RPRD2: variants seen among roughly 807,000 people sequenced by gnomAD.
RPRD2 encodes the protein regulation of nuclear pre-mRNA domain-containing protein 2.
In RPRD2, 12 loss-of-function variants were observed where a neutral mutation model predicts 104.4. The observed-to-expected ratio is 0.11, with a 90% CI of 0.07 to 0.19. The LOEUF is 0.19. Among genes scored for constraint, RPRD2 ranks in the 10% least tolerant of loss-of-function variants. The pLI, the probability that RPRD2 is intolerant of heterozygous loss-of-function variation, is 1.00. For missense variants in RPRD2, 1,543 were observed against 1,790.1 expected (o/e 0.86, Z 2.49); for synonymous variants, 714 against 684.9 (o/e 1.04, Z -0.66).
intron 1 of RPRD2, among the ~76,000 whole-genome samples, chr1:150,404,179 G>A (rs950909163): frequency 4.6e-5 from 7 of 152,142 alleles, no homozygotes; most frequent in East Asian, 3.8e-4. Context: ...TTATTAACGC[G>A]TGTTTTGTGG....
At chr1:150,470,233 C>T (rs777519391) in intron 10 of RPRD2, among the ~76,000 whole-genome samples, 3 of 152,060 alleles carry the variant, frequency 2.0e-5, no homozygotes, top group African/African-American at 7.2e-5. Flanking sequence ...AACTTTGCCT[C>T]CTTTCTTTTC....
chr1:150,472,770 C>G lies in RPRD2; in HGVS notation c.3822C>G (p.Pro1274=). The change falls in exon 11 of 11, where the codon CCC becomes CCG. Residue 1274 remains proline (P), a synonymous_variant. Transcript: ENST00000369068. ...GIPFPTPPPP[P]PPGEHSSSGG... ...CTTTCCCTACCCCACCTCCTCCTCC[C>G]CCTCCTGGGGAACATAGCAGCAGTG... 5 of 1,610,962 alleles carry G rather than the reference C, an allele frequency of 3.1e-6. No individual in the cohort carries two copies. The highest frequency in any genetic ancestry group is 4.2e-6 in the Non-Finnish European group (5 of 1,177,184).
intron 1 of RPRD2, among the ~76,000 whole-genome samples, chr1:150,384,669 GTGTGTGTGTGTGTT>G (rs1434880965): frequency 1.4e-4 from 19 of 136,620 alleles, no homozygotes; most frequent in Non-Finnish European, 2.2e-4. Flanking sequence ...GTGTGTGTGT[GTGTGTGTGTGTGTT>G]TTTAGTAGAG....
At chr1:150,394,095 G>C (rs1419465950) in intron 1 of RPRD2, among the ~76,000 whole-genome samples, 1 of 152,084 alleles carries the variant, frequency 6.6e-6, no homozygotes, top group Non-Finnish European at 1.5e-5. Context: ...AAGTTGCCCA[G>C]GCTGGAGTGC....
At chr1:150,427,955 A>G (rs1193682720) in intron 2 of RPRD2, among the ~76,000 whole-genome samples, 1 of 152,222 alleles carries the variant, frequency 6.6e-6, no homozygotes, top group Non-Finnish European at 1.5e-5. Context: ...GAAAATATAA[A>G]TATTTTTATG....
intron 2 of RPRD2, among the ~76,000 whole-genome samples, chr1:150,418,862 A>G (rs1376585675): frequency 1.3e-5 from 2 of 152,088 alleles, no homozygotes; most frequent in Non-Finnish European, 2.9e-5. Context: ...ATACAAAAAA[A>G]TTAGCCAGGC....
At chr1:150,406,269 T>C (rs782310600) in intron 1 of RPRD2, among the ~76,000 whole-genome samples, 6 of 152,202 alleles carry the variant, frequency 3.9e-5, no homozygotes, top group Non-Finnish European at 8.8e-5. Context: ...TACTGTCTGG[T>C]TTCAGGAATC....
Position 150,471,784 on chromosome 1 carries a change from A to G in RPRD2, c.2836A>G (p.Ser946Gly). The G allele has an allele frequency of 6.2e-7, 1 of 1,613,866 alleles. No individual in the cohort carries two copies. The highest frequency in any genetic ancestry group is 8.5e-7 in the Non-Finnish European group (1 of 1,179,864). Residue 946 changes from serine to glycine, a missense_variant, in exon 11 of 11, where the codon AGC (serine) becomes GGC (glycine). Physicochemically the swap from Ser to Gly is moderately conservative, Grantham distance 56. This residue lies in a region of RPRD2 where 880 missense variants were observed against 885.6 expected (regional missense o/e 0.99). Coordinates refer to ENST00000369068, the MANE Select transcript of RPRD2 (RefSeq NM_015203.5). The surrounding 1 kb of genome is among the most constrained non-coding windows in gnomAD (Gnocchi z 5.3). ...TTTCACCCCTGACTCCAACCACAAT[A>G]GCTTGTCTCAATCTACCACTGGGCA... Reference protein sequence around the residue: ...SFFTPDSNHNSLSQSTTGHLS... With the variant: ...SFFTPDSNHNGLSQSTTGHLS...
At chr1:150,440,343 C>G (rs35935423) in intron 2 of RPRD2, among the ~76,000 whole-genome samples, 18,187 of 152,170 alleles carry the variant, frequency 0.12, 1,535 homozygotes, top group African/African-American at 0.23. Flanking sequence ...GCTGGGATTA[C>G]AGGCGTGAGC....
chr1:150,450,523 G>A (rs1386859372), intron 7 of RPRD2, among the ~76,000 whole-genome samples: 6 of 146,616 alleles, frequency 4.1e-5, no homozygotes, highest in African/African-American at 1.0e-4. Context: ...GGAGAATGAC[G>A]TGAACCCAGG....
At chr1:150,400,181 G>A (rs1440298803) in intron 1 of RPRD2, among the ~76,000 whole-genome samples, 2 of 151,968 alleles carry the variant, frequency 1.3e-5, no homozygotes, top group South Asian at 2.1e-4. Context: ...TAATTTCCCC[G>A]TTTGTTGCTG....
At chr1:150,446,103 G>A (rs1666756751) in intron 6 of RPRD2, 123 bp from the exon 7 acceptor site, 8 of 582,004 alleles carry the variant, frequency 1.4e-5, no homozygotes, top group African/African-American at 1.3e-4. Flanking sequence ...AAGAGTATTA[G>A]AGTACTGCAC....
chr1:150,393,344 G>T (rs187686636), intron 1 of RPRD2, among the ~76,000 whole-genome samples: 1 of 150,502 alleles, frequency 6.6e-6, no homozygotes. Context: ...TACAGTCCCA[G>T]CTATTTAGGA....
In RPRD2 at chr1:150,473,244, A is replaced by C; in HGVS notation, c.4296A>C (p.Pro1432=). 6.2e-7 allele frequency: 1 copy of C among 1,613,822 alleles called. No homozygotes were observed. Among genetic ancestry groups the C allele is most frequent in the Non-Finnish European group, 8.5e-7 (1 of 1,179,844 alleles). The change falls in exon 11 of 11, where the codon CCA becomes CCC. Residue 1432 remains proline (P), a synonymous_variant. Coordinates refer to ENST00000369068, the MANE Select transcript of RPRD2 (RefSeq NM_015203.5). ...RPREPFLSRD[P]FHSLKRPRPP... ...GGGAACCTTTTCTCAGCAGAGACCC[A>C]TTTCACAGTTTAAAGAGACCCAGGC...
At chr1:150,422,605 G>T (rs587720360) in intron 2 of RPRD2, among the ~76,000 whole-genome samples, 1 of 152,084 alleles carries the variant, frequency 6.6e-6, no homozygotes, top group East Asian at 1.9e-4. Flanking sequence ...AGAAATATGA[G>T]CCCAACATTA....
chr1:150,376,582 G>A (rs1257542503), intron 1 of RPRD2, among the ~76,000 whole-genome samples: 11 of 151,056 alleles, frequency 7.3e-5, no homozygotes, highest in Non-Finnish European at 1.0e-4. Context: ...CTCACTGCAA[G>A]CTCCGCCTCC....
At chr1:150,438,475 C>T (rs905937561) in intron 2 of RPRD2, among the ~76,000 whole-genome samples, 1 of 151,616 alleles carries the variant, frequency 6.6e-6, no homozygotes, top group Non-Finnish European at 1.5e-5. Context: ...AAAAAAAATA[C>T]AAAATTAGCT....
rs1050787638 is a variant in RPRD2 at position 150,476,350 on chromosome 1, G to C, written c.*3016G>C. 2 of 152,148 alleles carry C rather than the reference G, an allele frequency of 1.3e-5. No homozygotes were observed. The highest frequency in any genetic ancestry group is 4.8e-5 in the African/African-American group (2 of 41,434). The allele number at this position is 152,148 out of a possible 1,614,324, so 9.4% of individuals were successfully genotyped here. On this transcript the variant is annotated 3_prime_UTR_variant, in exon 11 of 11. Transcript: ENST00000369068. ...GCAGAATTGAGCTTCAGCTGTTACT[G>C]TTTTGAAGCCGCTGTAAATTACTGC...
At chr1:150,447,978 C>A (rs1666903574) in intron 7 of RPRD2, among the ~76,000 whole-genome samples, 1 of 152,156 alleles carries the variant, frequency 6.6e-6, no homozygotes, top group African/African-American at 2.4e-5. Context: ...TTCTCCTTCT[C>A]CCAGTTTTGT....
Sources: gnomAD v4.1 joint callset for allele counts (sites outside exome capture counted in the v4.1 genomes callset) on GRCh38, gnomAD v4.1.1 for gene constraint, gnomAD v4.1.1 regional missense constraint, Gnocchi (gnomAD v3.1) non-coding constraint, MANE v1.5 for transcripts, NCBI Gene and HGNC (gene_info 2026-07-23, HGNC 2026-07-21) for gene names.